Variants in FBXL17 observed in about 807,000 individuals in gnomAD.
The protein encoded by FBXL17 is F-box and leucine rich repeat protein 17.
FBXL17 carries 22 observed loss-of-function variants against 66.2 expected under a neutral mutation model. The observed-to-expected ratio is 0.33, with a 90% CI of 0.24 to 0.47. FBXL17 has a LOEUF of 0.47. Among genes scored for constraint, FBXL17 ranks in the 20% least tolerant of loss-of-function variants. The probability of loss-of-function intolerance (pLI) is 1.00; values close to 1 mark genes in which losing one functional copy is unlikely to be tolerated. For missense variants in FBXL17, 878 were observed against 948.2 expected (o/e 0.93, Z 0.97); for synonymous variants, 474 against 400.5 (o/e 1.18, Z -2.19).
intron 7 of FBXL17, among the ~76,000 whole-genome samples, chr5:108,011,555 G>A (rs1262580771): frequency 6.6e-6 from 1 of 152,138 alleles, no homozygotes; most frequent in Non-Finnish European, 1.5e-5. Flanking sequence ...TGTAATTCCA[G>A]CACTTCGGGA....
rs111860800 is a variant in FBXL17 at position 108,135,147 on chromosome 5, C to T, written c.1745+50970G>A. On this transcript the variant is annotated intron_variant, in intron 6 of 8. Transcript: ENST00000542267. ...TGGAAGGAAGAGTACCAATGGATATCATCTTACTGCTGTGCTGACACAGCT... is the reference window on the plus strand; with the variant it reads ...TGGAAGGAAGAGTACCAATGGATATTATCTTACTGCTGTGCTGACACAGCT... 6.9e-3 allele frequency among the ~76,000 whole-genome samples: 1,056 copies of T among 151,960 alleles called. 16 individuals are homozygous for T. The highest frequency in any genetic ancestry group is 0.024 in the African/African-American group (1,003 of 41,316).
chr5:107,995,668 T>C (rs1013309551), intron 7 of FBXL17, among the ~76,000 whole-genome samples: 2 of 152,154 alleles, frequency 1.3e-5, no homozygotes, highest in Non-Finnish European at 2.9e-5. Flanking sequence ...GAAAATTACA[T>C]GAGATTTATG....
At chr5:108,183,111 G>C (rs1358881846) in intron 6 of FBXL17, among the ~76,000 whole-genome samples, 2 of 147,214 alleles carry the variant, frequency 1.4e-5, no homozygotes, top group Non-Finnish European at 3.0e-5. Context: ...TGTGATCTTG[G>C]CTCACTGCAA....
chr5:108,130,241 G>GA lies in FBXL17; in HGVS notation c.1745+55875dup, dbSNP rs560493832. ...ACTTGGATTAGGAAAGAAATGACAG[G>GA]AAAAAAAAAATATCCCTTTCATATG... On this transcript the variant is annotated intron_variant, in intron 6 of 8. Coordinates refer to ENST00000542267, the MANE Select transcript of FBXL17 (RefSeq NM_001163315.3). 9.5e-5 allele frequency among the ~76,000 whole-genome samples: 14 copies of GA among 147,590 alleles called. 1 individual carries two copies. Among genetic ancestry groups the GA allele is most frequent in the East Asian group, 7.9e-4 (4 of 5,088 alleles).
At chr5:108,137,840 G>C (rs762741029) in intron 6 of FBXL17, among the ~76,000 whole-genome samples, 3 of 152,070 alleles carry the variant, frequency 2.0e-5, no homozygotes, top group Admixed American at 6.6e-5. Context: ...TGTAATTTTA[G>C]GTCCAGTACG....
chr5:107,998,696 T>C (rs148875929), intron 7 of FBXL17, among the ~76,000 whole-genome samples: 9 of 152,264 alleles, frequency 5.9e-5, no homozygotes, highest in South Asian at 2.1e-4. Context: ...CCGAGAAACC[T>C]GAAATTTCTC....
In FBXL17 at chr5:108,009,304, T is replaced by TAGATAGATAGATAG. The variant is rs1165543412; in HGVS notation, c.1822+11620_1822+11621insCTATCTATCTATCT. ...ATATATATATATATATATATATACA[T>TAGATAGATAGATAG]ATATACATACACATATAGTTTTGCT... On this transcript the variant is annotated intron_variant, in intron 7 of 8. Transcript: ENST00000542267. 7.4e-3 allele frequency among the ~76,000 whole-genome samples: 145 copies of TAGATAGATAGATAG among 19,558 alleles called. 19 individuals are homozygous for TAGATAGATAGATAG. Among genetic ancestry groups the TAGATAGATAGATAG allele is most frequent in the African/African-American group, 0.024 (135 of 5,700 alleles). 12.8% of individuals were successfully genotyped at this position (19,558 alleles called of 152,430 possible). A position where few individuals can be genotyped will look rare whatever the true frequency, so the allele number is the denominator to read the frequency against.
intron 4 of FBXL17, among the ~76,000 whole-genome samples, chr5:108,273,334 T>TATAATAATAATAAAAATA (rs1387193695): frequency 6.7e-6 from 1 of 149,510 alleles, no homozygotes; most frequent in Non-Finnish European, 1.5e-5. Flanking sequence ...AAACTTAAAG[T>TATAATAATAATAAAAATA]ATAATAATAA....
chr5:107,980,064 G>A lies in FBXL17; in HGVS notation c.1822+40861C>T, dbSNP rs374885929. ...CAAGAAGTGTCACTTGACCACATGCGTGAACCTATGTAGGATGTGGCTTTC... is the reference window on the plus strand; with the variant it reads ...CAAGAAGTGTCACTTGACCACATGCATGAACCTATGTAGGATGTGGCTTTC... On this transcript the variant is annotated intron_variant, in intron 7 of 8. Coordinates refer to ENST00000542267, the MANE Select transcript of FBXL17 (RefSeq NM_001163315.3). Among the ~76,000 whole-genome samples, 21 of 152,212 alleles carry A rather than the reference G, an allele frequency of 1.4e-4. No individual in the cohort carries two copies. The South Asian group carries it at 2.9e-3, about 21-fold the overall frequency.
chr5:108,117,569 G>T (rs370288766), intron 6 of FBXL17, among the ~76,000 whole-genome samples: 2 of 151,970 alleles, frequency 1.3e-5, no homozygotes, highest in East Asian at 3.9e-4. Context: ...TGCCTTTCAC[G>T]TACAAAAGAC....
At chr5:107,861,975 T>C in intron 8 of FBXL17, 115 bp from the exon 9 acceptor site, 1 of 1,152,312 alleles carries the variant, frequency 8.7e-7, no homozygotes, top group African/African-American at 1.6e-5. Flanking sequence ...CCTCGCCTTG[T>C]TCCTCCTAGC....
intron 7 of FBXL17, among the ~76,000 whole-genome samples, chr5:107,959,381 A>AACACACACACACACACACACAC (rs57041975): frequency 8.1e-5 from 12 of 148,002 alleles, no homozygotes; most frequent in Non-Finnish European, 1.3e-4. Flanking sequence ...GGCTGCTATA[A>AACACACACACACACACACACAC]ACACACACAC....
intron 3 of FBXL17, among the ~76,000 whole-genome samples, chr5:108,354,693 G>C (rs1747858384): frequency 6.7e-6 from 1 of 148,486 alleles, no homozygotes; most frequent in Non-Finnish European, 1.5e-5. Context: ...CTACACCTAG[G>C]CATATCATTT....
chr5:108,307,199 T>C (rs935704293), intron 4 of FBXL17, among the ~76,000 whole-genome samples: 7 of 152,174 alleles, frequency 4.6e-5, no homozygotes, highest in Admixed American at 2.6e-4. Flanking sequence ...AGAAGACATT[T>C]TTGAAAAACT....
intron 4 of FBXL17, among the ~76,000 whole-genome samples, chr5:108,339,654 A>C (rs1239758634): frequency 1.3e-5 from 2 of 152,180 alleles, no homozygotes; most frequent in African/African-American, 4.8e-5. Flanking sequence ...TACACTAAAA[A>C]TAATCTACTA....
At chr5:107,930,948 T>C (rs577747096) in intron 7 of FBXL17, among the ~76,000 whole-genome samples, 1 of 151,990 alleles carries the variant, frequency 6.6e-6, no homozygotes, top group African/African-American at 2.4e-5. Flanking sequence ...GGAAGTTAGT[T>C]CTATTTACCA....
At chr5:108,018,695 G>C (rs976503832) in intron 7 of FBXL17, among the ~76,000 whole-genome samples, 7 of 152,096 alleles carry the variant, frequency 4.6e-5, no homozygotes, top group African/African-American at 1.7e-4. Flanking sequence ...CTTGAGAGCT[G>C]GAGGGACTGA....
intron 5 of FBXL17, among the ~76,000 whole-genome samples, chr5:108,216,643 C>A (rs1754609898): frequency 6.6e-6 from 1 of 151,980 alleles, no homozygotes; most frequent in African/African-American, 2.4e-5. Context: ...TGCCTTACCT[C>A]ATATACTGAA....
chr5:108,339,474 A>T (rs1040750125), intron 4 of FBXL17, among the ~76,000 whole-genome samples: 4 of 152,168 alleles, frequency 2.6e-5, no homozygotes, highest in African/African-American at 9.7e-5. Context: ...ACAAAGCCCA[A>T]GACTGCACTT....
Sources: allele counts gnomAD v4.1 joint callset (sites outside exome capture counted in the v4.1 genomes callset), GRCh38; gene constraint gnomAD v4.1.1; transcripts MANE v1.5; gene names NCBI Gene and HGNC (gene_info 2026-07-23, HGNC 2026-07-21).